The following ARHGAP21 variants were observed in gnomAD, a reference collection of about 807,000 sequenced individuals.
The protein encoded by ARHGAP21 is rho GTPase-activating protein 21.
In ARHGAP21, 38 loss-of-function variants were observed where a neutral mutation model predicts 164.6. That is an observed-to-expected ratio of 0.23 (90% CI 0.18 to 0.30). The LOEUF is 0.30. Among genes scored for constraint, ARHGAP21 ranks in the 10% least tolerant of loss-of-function variants. ARHGAP21 has a pLI of 1.00. For missense variants in ARHGAP21, 1,822 were observed against 2,370.7 expected (o/e 0.77, Z 4.81); for synonymous variants, 766 against 857.9 (o/e 0.89, Z 1.87).
At chr10:24,611,357 C>T (rs150669919) in intron 9 of ARHGAP21, among the ~76,000 whole-genome samples, 148 of 152,306 alleles carry the variant, frequency 9.7e-4, no homozygotes, top group Non-Finnish European at 1.5e-3. Context: ...CCAACGGCCA[C>T]CTTTTCTACT....
intron 14 of ARHGAP21, among the ~76,000 whole-genome samples, chr10:24,599,862 G>A (rs567469997): frequency 6.6e-5 from 10 of 152,232 alleles, no homozygotes; most frequent in East Asian, 5.8e-4. Context: ...GGCCGGGCGC[G>A]GTGGCTCACG....
At chr10:24,625,280 G>T (rs1835010225) in intron 7 of ARHGAP21, among the ~76,000 whole-genome samples, 1 of 45,932 alleles carries the variant, frequency 2.2e-5, no homozygotes, top group African/African-American at 6.6e-5. Flanking sequence ...ATGATAAATG[G>T]TAAACAAAAT....
chr10:24,721,886 C>A lies in ARHGAP21; in HGVS notation c.14G>T (p.Arg5Leu). MMATRRTGLSEGDGD... is the reference protein window; with the variant it reads MMATLRTGLSEGDGD... ...ATCTCCCTCAGACAGACCAGTCCGA[C>A]GCGTGGCCATCATTTCATTTCAAAT... The change falls in exon 2 of 26, where the codon CGT becomes CTT. Residue 5 changes from arginine to leucine, a missense_variant. By Grantham distance (102) the Arg-to-Leu change is moderately radical (BLOSUM62 -2). Coordinates refer to ENST00000396432, the MANE Select transcript of ARHGAP21 (RefSeq NM_020824.4). 1 of 1,614,244 alleles carries A rather than the reference C, an allele frequency of 6.2e-7. No homozygotes were observed.
At chr10:24,706,222 G>T (rs886229082) in intron 2 of ARHGAP21, among the ~76,000 whole-genome samples, 7 of 152,010 alleles carry the variant, frequency 4.6e-5, no homozygotes, top group East Asian at 1.9e-4. Flanking sequence ...TGCTTTAATT[G>T]TTGGCCACTT....
intron 4 of ARHGAP21, among the ~76,000 whole-genome samples, chr10:24,639,569 A>C (rs1273999318): frequency 6.6e-6 from 1 of 152,206 alleles, no homozygotes; most frequent in Non-Finnish European, 1.5e-5. Context: ...AGCAATAAAT[A>C]CTGGTTGAAA....
chr10:24,650,664 T>C (rs1369019021), intron 4 of ARHGAP21, among the ~76,000 whole-genome samples: 2 of 152,182 alleles, frequency 1.3e-5, no homozygotes, highest in Non-Finnish European at 2.9e-5. Context: ...ATTAAATACA[T>C]ACGTGAAAAT....
At chr10:24,721,012 G>C (rs894643526) in intron 2 of ARHGAP21, among the ~76,000 whole-genome samples, 10 of 150,680 alleles carry the variant, frequency 6.6e-5, no homozygotes, top group African/African-American at 2.4e-4. Context: ...AAAAAGGTGA[G>C]AGGCAACAGA....
intron 2 of ARHGAP21, among the ~76,000 whole-genome samples, chr10:24,697,457 T>C (rs6482415): frequency 0.81 from 123,066 of 152,070 alleles, 49,961 homozygotes; most frequent in African/African-American, 0.87. Context: ...GCTCCCCTCG[T>C]TTCCTTTCAG....
At chr10:24,641,962 C>G (rs553997961) in intron 4 of ARHGAP21, among the ~76,000 whole-genome samples, 3 of 150,528 alleles carry the variant, frequency 2.0e-5, no homozygotes, top group African/African-American at 7.4e-5. Flanking sequence ...CGCCACTGCA[C>G]TCCAGCCTGG....
At chr10:24,723,240 G>C (rs1471179041) in intron 1 of ARHGAP21, 1 of 151,158 alleles carries the variant, frequency 6.6e-6, no homozygotes, top group East Asian at 2.0e-4. Flanking sequence ...GCCCGGCCGG[G>C]ACGCGCTAGG....
chr10:24,599,012 T>C (rs142082934), intron 14 of ARHGAP21, among the ~76,000 whole-genome samples: 163 of 152,346 alleles, frequency 1.1e-3, no homozygotes, highest in African/African-American at 3.2e-3. Flanking sequence ...ATCTGCCATA[T>C]GGTATGTGCT....
In ARHGAP21 at chr10:24,620,047, T is replaced by C. The variant is rs375627042; in HGVS notation, c.1848A>G (p.Ser616=). The change falls in exon 9 of 26, where the codon TCA becomes TCG. Residue 616 remains serine, a synonymous_variant. Transcript: ENST00000396432. Reference sequence around the variant, plus strand: ...AATTACTTCGGACTTTCACAAGAGGTGACCTGTCTTGTGAAATACCCCGAG... The same window carrying C: ...AATTACTTCGGACTTTCACAAGAGGCGACCTGTCTTGTGAAATACCCCGAG... The part of the protein sequence containing the change: ...SLPRGISQDR[S]PLVKVRSNSL... 17 of 1,613,828 alleles carry C rather than the reference T, an allele frequency of 1.1e-5. No individual in the cohort carries two copies. The African/African-American group carries it at 1.6e-4, about 15-fold the overall frequency.
chr10:24,671,194 ACCTAAC>A (rs1840670660), intron 2 of ARHGAP21, among the ~76,000 whole-genome samples: 1 of 152,010 alleles, frequency 6.6e-6, no homozygotes, highest in Non-Finnish European at 1.5e-5. Flanking sequence ...GCCTGACAAA[ACCTAAC>A]CCTGGATAAA....
chr10:24,602,640 T>C (rs974646532), intron 12 of ARHGAP21, among the ~76,000 whole-genome samples: 4 of 152,118 alleles, frequency 2.6e-5, no homozygotes, highest in Middle Eastern at 3.2e-3. Context: ...TCATTAAGGG[T>C]CTTCTAGGCC....
chr10:24,591,798 CTCTG>C (rs1370652003), intron 22 of ARHGAP21, 85 bp downstream of exon 22: 18 of 1,596,408 alleles, frequency 1.1e-5, no homozygotes, highest in East Asian at 2.2e-5. Flanking sequence ...TACAACCAAC[CTCTG>C]TCTGACCAAA....
At chr10:24,652,860 A>G (rs1838332826) in intron 4 of ARHGAP21, among the ~76,000 whole-genome samples, 1 of 152,192 alleles carries the variant, frequency 6.6e-6, no homozygotes, top group Non-Finnish European at 1.5e-5. Context: ...GTTTAGCGGC[A>G]TCTACTAAAT....
chr10:24,629,854 T>G (rs1238640636), intron 7 of ARHGAP21, 142 bp downstream of exon 7: 1 of 717,614 alleles, frequency 1.4e-6, no homozygotes, highest in Non-Finnish European at 2.5e-6. Flanking sequence ...ATGTAGAGAA[T>G]TCCAGATTCT....
At chr10:24,623,550 C>T (rs1303662862) in intron 7 of ARHGAP21, among the ~76,000 whole-genome samples, 1 of 152,084 alleles carries the variant, frequency 6.6e-6, no homozygotes, top group African/African-American at 2.4e-5. Flanking sequence ...ATTGACACAC[C>T]AAGTCTATCT....
At chr10:24,611,989 G>A (rs1348283342) in intron 9 of ARHGAP21, among the ~76,000 whole-genome samples, 1 of 152,084 alleles carries the variant, frequency 6.6e-6, no homozygotes, top group Non-Finnish European at 1.5e-5. Context: ...TTACAGGTTA[G>A]GGCACAGAGC....
Sources: gnomAD v4.1 joint callset for allele counts (sites outside exome capture counted in the v4.1 genomes callset) on GRCh38, gnomAD v4.1.1 for gene constraint, MANE v1.5 for transcripts, NCBI Gene and HGNC (gene_info 2026-07-23, HGNC 2026-07-21) for gene names.